LPP: variants seen among roughly 807,000 people sequenced by gnomAD.
The protein encoded by LPP is lipoma-preferred partner.
A neutral mutation model predicts 60.4 loss-of-function variants in LPP; 38 were observed. The ratio of observed to expected loss-of-function variants is 0.63; its 90% CI spans 0.49 to 0.83. The LOEUF is 0.83. Among genes scored for constraint, LPP ranks in the 40% least tolerant of loss-of-function variants. The probability of loss-of-function intolerance (pLI) is 0.00; values close to 1 mark genes in which losing one functional copy is unlikely to be tolerated. For missense variants in LPP, 902 were observed against 783.6 expected (o/e 1.15, Z -1.80); for synonymous variants, 328 against 290.8 (o/e 1.13, Z -1.30).
chr3:188,342,707 T>C (rs1379918737), intron 3 of LPP, among the ~76,000 whole-genome samples: 4 of 152,130 alleles, frequency 2.6e-5, no homozygotes, highest in Non-Finnish European at 5.9e-5. Context: ...AGAATAAAAT[T>C]GGTTGGTATT....
intron 2 of LPP, among the ~76,000 whole-genome samples, chr3:188,299,323 C>G (rs138903607): frequency 2.3e-4 from 35 of 152,302 alleles, no homozygotes; most frequent in Admixed American, 7.2e-4. Flanking sequence ...CCTGTCTGAT[C>G]AATGGGACAG....
At chr3:188,755,809 C>CAAAAAAAAAAAAAAAAAAAAAA (rs58696911) in intron 8 of LPP, among the ~76,000 whole-genome samples, 1 of 73,994 alleles carries the variant, frequency 1.4e-5, no homozygotes, top group Non-Finnish European at 2.7e-5. Flanking sequence ...GATCCTGTCA[C>CAAAAAAAAAAAAAAAAAAAAAA]AAAAAAAAAA....
intron 4 of LPP, among the ~76,000 whole-genome samples, chr3:188,468,086 T>A (rs1478705810): frequency 6.6e-6 from 1 of 152,150 alleles, no homozygotes; most frequent in East Asian, 1.9e-4. Flanking sequence ...TTTAGTCCAT[T>A]TCCATATGAA....
At chr3:188,301,394 G>A (rs1749808318) in intron 2 of LPP, among the ~76,000 whole-genome samples, 1 of 152,170 alleles carries the variant, frequency 6.6e-6, no homozygotes, top group South Asian at 2.1e-4. Flanking sequence ...AAAATCAGGA[G>A]GGAAGGTCAG....
chr3:188,513,351 T>G (rs148253345), intron 5 of LPP, among the ~76,000 whole-genome samples: 3 of 152,174 alleles, frequency 2.0e-5, no homozygotes, highest in African/African-American at 4.8e-5. Flanking sequence ...TAGAATTGCT[T>G]CAGGAAATAT....
intron 7 of LPP, among the ~76,000 whole-genome samples, chr3:188,657,258 G>GTATATATATATATATATATGTATA (rs1553782721): frequency 8.7e-4 from 78 of 89,838 alleles, no homozygotes; most frequent in Non-Finnish European, 1.4e-3. Context: ...CTGTCAAGGT[G>GTATATATATATATATATATGTATA]TATATATATA....
chr3:188,562,680 C>T (rs186906830), intron 6 of LPP, among the ~76,000 whole-genome samples: 1 of 151,984 alleles, frequency 6.6e-6, no homozygotes, highest in Non-Finnish European at 1.5e-5. Context: ...TTCCTTTTCT[C>T]TCCCCTTCAT....
intron 7 of LPP, among the ~76,000 whole-genome samples, chr3:188,706,702 C>T (rs1865545786): frequency 6.6e-6 from 1 of 152,212 alleles, no homozygotes; most frequent in Non-Finnish European, 1.5e-5. Context: ...CAAGAGCTCA[C>T]TTGGTGTAGT....
chr3:188,245,765 A>G lies in LPP; in HGVS notation c.-67+20238A>G, dbSNP rs141724871. On this transcript the variant is annotated intron_variant, in intron 2 of 11. Transcript: ENST00000617246. ...CACTATGTTGCCCAGGCTCTCTCCA[A>G]CTACTGAGCTCGGTGATCCTCCCAC... Among the ~76,000 whole-genome samples, 15 of 151,974 alleles carry G rather than the reference A, an allele frequency of 9.9e-5. No individual in the cohort carries two copies. The South Asian group carries it at 1.5e-3, about 15-fold the overall frequency.
intron 2 of LPP, among the ~76,000 whole-genome samples, chr3:188,294,807 G>A: frequency 6.6e-6 from 1 of 152,140 alleles, no homozygotes; most frequent in East Asian, 1.9e-4. Flanking sequence ...AGGTGCCCAG[G>A]GAATAGAGGA....
intron 2 of LPP, among the ~76,000 whole-genome samples, chr3:188,250,788 G>T (rs200806016): frequency 0.041 from 1,949 of 48,004 alleles, 70 homozygotes; most frequent in African/African-American, 0.16. Context: ...CTTTCTTTCT[G>T]TCTTTCTCTT....
At chr3:188,626,952 A>G (rs1405361920) in intron 7 of LPP, among the ~76,000 whole-genome samples, 1 of 151,976 alleles carries the variant, frequency 6.6e-6, no homozygotes, top group African/African-American at 2.4e-5. Context: ...ATACCTCAAA[A>G]ATCACAAAAA....
At chr3:188,380,730 G>A (rs902420844) in intron 3 of LPP, among the ~76,000 whole-genome samples, 1 of 152,196 alleles carries the variant, frequency 6.6e-6, no homozygotes, top group Admixed American at 6.5e-5. Flanking sequence ...CTTTAATTGT[G>A]TGGAGGTGTA....
intron 7 of LPP, among the ~76,000 whole-genome samples, chr3:188,629,011 G>A (rs993701125): frequency 6.6e-6 from 1 of 151,972 alleles, no homozygotes; most frequent in East Asian, 1.9e-4. Context: ...AAACCACATG[G>A]TCATCTCAAC....
chr3:188,463,606 A>T (rs940191268), intron 4 of LPP, among the ~76,000 whole-genome samples: 10 of 152,214 alleles, frequency 6.6e-5, no homozygotes, highest in African/African-American at 2.4e-4. Context: ...AAAAGAAAGA[A>T]GACTTGCAAG....
rs1289074549 is a variant in LPP, at chr3:188,889,066, A to T, written c.*14587A>T. 8.9e-6 allele frequency: 2 copies of T among 224,638 alleles called. No individual in the cohort carries two copies. The highest frequency in any genetic ancestry group is 1.8e-5 in the Non-Finnish European group (2 of 112,580). The allele number at this position is 224,638 out of a possible 1,614,324, so 13.9% of individuals were successfully genotyped here. A position where few individuals can be genotyped will look rare whatever the true frequency, so the allele number is the denominator to read the frequency against. On this transcript the variant is annotated 3_prime_UTR_variant, in exon 12 of 12. Transcript: ENST00000617246. ...GTTTAGAGTGTTAAAGTGTCAGCAC[A>T]TTCCTTCTCCTTTTGTCTCTCAGGC...
intron 1 of LPP, chr3:188,180,756 A>G (rs917795773): frequency 1.3e-5 from 2 of 149,928 alleles, no homozygotes; most frequent in Non-Finnish European, 3.0e-5. Context: ...ATATCTTGCC[A>G]CTTCACCTAA....
chr3:188,205,770 G>A (rs549958139), intron 1 of LPP, among the ~76,000 whole-genome samples: 1 of 152,246 alleles, frequency 6.6e-6, no homozygotes, highest in African/African-American at 2.4e-5. Flanking sequence ...GAAGGCTGGT[G>A]GTTTTCAAGC....
intron 7 of LPP, among the ~76,000 whole-genome samples, chr3:188,680,083 A>G (rs1223286264): frequency 2.6e-5 from 4 of 152,176 alleles, no homozygotes; most frequent in Admixed American, 2.6e-4. Flanking sequence ...AGAGGAAAAA[A>G]TGTTGTTTTA....
Sources: allele counts gnomAD v4.1 joint callset (sites outside exome capture counted in the v4.1 genomes callset), GRCh38; gene constraint gnomAD v4.1.1; transcripts MANE v1.5; gene names NCBI Gene and HGNC (gene_info 2026-07-23, HGNC 2026-07-21).